The following GPR89B variants were observed in gnomAD, a reference collection of about 807,000 sequenced individuals.
GPR89B encodes golgi pH regulator B.
In GPR89B, 25 loss-of-function variants were observed where a neutral mutation model predicts 52.4. That is an observed-to-expected ratio of 0.48 (90% CI 0.35 to 0.67). The LOEUF (loss-of-function observed/expected upper bound fraction) is 0.67, where lower values mean the gene tolerates loss of function less well. Among genes scored for constraint, GPR89B ranks in the 30% least tolerant of loss-of-function variants. The pLI is 0.01. For synonymous variants in GPR89B, 52 were observed against 151.2 expected (o/e 0.34, Z 4.81); for missense variants, 146 against 450.2 (o/e 0.32, Z 6.11).
At chr1:147,991,493 A>G (rs1456759428) in intron 12 of GPR89B, among the ~76,000 whole-genome samples, 14,429 of 152,050 alleles carry the variant, frequency 0.095, 748 homozygotes, top group South Asian at 0.2. Flanking sequence ...ATGTTGAATA[A>G]GAGTGGTGAG....
chr1:147,947,605 A>G (rs587716558), intron 5 of GPR89B, among the ~76,000 whole-genome samples: 1 of 152,072 alleles, frequency 6.6e-6, no homozygotes, highest in Admixed American at 6.6e-5. Context: ...AAATGCTGAG[A>G]TTAAGTAAAT....
chr1:147,932,756 GT>G (rs1558029565), intron 1 of GPR89B, among the ~76,000 whole-genome samples: 2 of 151,998 alleles, frequency 1.3e-5, no homozygotes, highest in Non-Finnish European at 1.5e-5. Context: ...CCCTACTCCG[GT>G]TTAAAGCCAT....
chr1:147,976,660 G>T lies in GPR89B; in HGVS notation c.909+6701G>T, dbSNP rs1228336555. Among the ~76,000 whole-genome samples, 90 of 151,704 alleles carry T rather than the reference G, an allele frequency of 5.9e-4. No homozygotes were observed. In the South Asian group the frequency reaches 9.3e-3, roughly 16 times the overall value. ...CCCATTTACATTTAAGGTTAAAATT[G>T]TTATGTGTGATTTGATCCTGTCATC... On this transcript the variant is annotated intron_variant, in intron 10 of 13. Transcript: ENST00000314163.
At chr1:148,009,746 C>A in the GPR89B span, among the ~76,000 whole-genome samples, 1 of 152,130 alleles carries the variant, frequency 6.6e-6, no homozygotes, top group Non-Finnish European at 1.5e-5. Context: ...CCACCTCCAT[C>A]CCTGCCCTCC....
the GPR89B span, among the ~76,000 whole-genome samples, chr1:148,002,578 C>G: frequency 6.6e-6 from 1 of 152,116 alleles, no homozygotes; most frequent in Admixed American, 6.5e-5. Context: ...AGCAGTTCTT[C>G]TTGCGTAATT....
At chr1:147,978,561 G>C (rs1444813735) in intron 10 of GPR89B, among the ~76,000 whole-genome samples, 1 of 151,552 alleles carries the variant, frequency 6.6e-6, no homozygotes, top group African/African-American at 2.4e-5. Flanking sequence ...AGACCCTTCA[G>C]AGCCAGCAGG....
chr1:147,984,036 A>T (rs1189336544), intron 10 of GPR89B, among the ~76,000 whole-genome samples: 1 of 149,572 alleles, frequency 6.7e-6, no homozygotes, highest in Non-Finnish European at 1.5e-5. Context: ...AGGGACATGG[A>T]TGAAATTGGA....
rs587663819 is a variant in GPR89B, at chr1:147,950,760, G to C, written c.416-2585G>C. On this transcript the variant is annotated intron_variant, in intron 5 of 13. Transcript: ENST00000314163. ...AGCCCGGCCAACACAGTGAAACCCC[G>C]TCTCCACCAAAAAAATACGAAAACC... 9.8e-4 allele frequency among the ~76,000 whole-genome samples: 149 copies of C among 152,212 alleles called. 2 individuals are homozygous for C. In the South Asian group the frequency reaches 0.019, roughly 19 times the overall value.
chr1:147,990,077 C>T (rs1222091038), intron 12 of GPR89B, among the ~76,000 whole-genome samples: 12 of 152,210 alleles, frequency 7.9e-5, no homozygotes, highest in Non-Finnish European at 1.5e-4. Context: ...TACAGTCCCA[C>T]CAACAGTGTA....
intron 3 of GPR89B, among the ~76,000 whole-genome samples, chr1:147,940,747 A>G (rs1381050302): frequency 6.6e-6 from 1 of 152,148 alleles, no homozygotes; most frequent in African/African-American, 2.4e-5. Context: ...GTGAGGCCAT[A>G]GTTTGCCAGC....
intron 5 of GPR89B, among the ~76,000 whole-genome samples, chr1:147,947,997 C>T (rs146341308): frequency 3.9e-4 from 60 of 152,316 alleles, no homozygotes; most frequent in East Asian, 2.9e-3. Flanking sequence ...AAACCACAAA[C>T]GGAACAAACT....
chr1:147,975,523 A>AT (rs1309924628), intron 10 of GPR89B, among the ~76,000 whole-genome samples: 16 of 151,380 alleles, frequency 1.1e-4, no homozygotes, highest in South Asian at 2.1e-4. Context: ...CCCCTTTATC[A>AT]TTTTTTTTGT....
chr1:148,006,523 T>A, the GPR89B span, among the ~76,000 whole-genome samples: 4 of 152,020 alleles, frequency 2.6e-5, no homozygotes, highest in Admixed American at 1.3e-4. Flanking sequence ...AGTGGAGGCC[T>A]GAAACTTTAA....
the GPR89B span, among the ~76,000 whole-genome samples, chr1:148,012,511 C>G: frequency 6.7e-6 from 1 of 150,290 alleles, no homozygotes; most frequent in East Asian, 2.0e-4. Context: ...TCCCCCACCC[C>G]CGCAGCCCCC....
At chr1:147,944,119 A>C in intron 5 of GPR89B, 21 bp downstream of exon 5, 1 of 1,590,010 alleles carries the variant, frequency 6.3e-7, no homozygotes, top group Non-Finnish European at 8.5e-7. Flanking sequence ...ATAGGAGGGC[A>C]GAGGAAGTGG....
intron 1 of GPR89B, among the ~76,000 whole-genome samples, chr1:147,934,470 C>T (rs56160910): frequency 0.044 from 6,772 of 152,208 alleles, 213 homozygotes; most frequent in African/African-American, 0.075. Flanking sequence ...AGCCTCCCTA[C>T]TTGATTCTTA....
chr1:148,008,230 T>C, the GPR89B span, among the ~76,000 whole-genome samples: 4 of 152,370 alleles, frequency 2.6e-5, no homozygotes, highest in Admixed American at 1.3e-4. Flanking sequence ...ATATTTGTCA[T>C]GAAGAGACCA....
intron 5 of GPR89B, among the ~76,000 whole-genome samples, chr1:147,950,815 C>T (rs200500942): frequency 7.9e-5 from 12 of 151,200 alleles, no homozygotes; most frequent in East Asian, 2.0e-4. Context: ...CGCCTGCAAT[C>T]GCAGGCACTC....
At chr1:147,970,580 T>G (rs1571292844) in intron 10 of GPR89B, among the ~76,000 whole-genome samples, 1 of 150,982 alleles carries the variant, frequency 6.6e-6, no homozygotes, top group East Asian at 1.9e-4. Context: ...TATATATATA[T>G]AGAATGTGAA....
Sources: gnomAD v4.1 joint callset for allele counts (sites outside exome capture counted in the v4.1 genomes callset) on GRCh38, gnomAD v4.1.1 for gene constraint, MANE v1.5 for transcripts, NCBI Gene and HGNC (gene_info 2026-07-23, HGNC 2026-07-21) for gene names.